The following ST7 variants were observed in gnomAD, a reference collection of about 807,000 sequenced individuals.
ST7 encodes the protein suppressor of tumorigenicity 7 protein.
A neutral mutation model predicts 78.7 loss-of-function variants in ST7; 28 were observed. The observed-to-expected ratio is 0.36, with a 90% confidence interval of 0.26 to 0.49. ST7 has a LOEUF of 0.49. Ranked by LOEUF, ST7 falls within the 20% of genes least tolerant of loss-of-function variation. The probability of loss-of-function intolerance (pLI) is 0.99; values close to 1 mark genes in which losing one functional copy is unlikely to be tolerated. For synonymous variants in ST7, 247 were observed against 249.6 expected, an observed-to-expected ratio of 0.99 and a Z score of 0.10; for missense variants, 418 against 696.0, an observed-to-expected ratio of 0.60 and a Z score of 4.49.
chr7:116,967,815 T>G (rs1241474792), intron 1 of ST7, among the ~76,000 whole-genome samples: 1 of 152,250 alleles, frequency 6.6e-6, no homozygotes, highest in Non-Finnish European at 1.5e-5. Flanking sequence ...GACTTTGTTT[T>G]GTACTTCTTG....
intron 15 of ST7, among the ~76,000 whole-genome samples, chr7:117,222,293 A>T (rs1361176794): frequency 1.3e-5 from 2 of 152,356 alleles, no homozygotes; most frequent in Non-Finnish European, 2.9e-5. Flanking sequence ...AATTCTTAGC[A>T]GTTTCCAAAA....
chr7:117,039,154 C>T (rs374788842), intron 1 of ST7, among the ~76,000 whole-genome samples: 2 of 151,990 alleles, frequency 1.3e-5, no homozygotes, highest in South Asian at 2.1e-4. Context: ...AATCTTTGCA[C>T]GTAACCATGC....
chr7:117,150,095 C>T (rs1298472547), intron 9 of ST7, among the ~76,000 whole-genome samples: 2 of 152,122 alleles, frequency 1.3e-5, no homozygotes, highest in African/African-American at 2.4e-5. Context: ...TTGTTAGCAC[C>T]AGGCCTCGCT....
At chr7:117,138,923 G>A (rs1455861477) in intron 9 of ST7, among the ~76,000 whole-genome samples, 3 of 152,244 alleles carry the variant, frequency 2.0e-5, no homozygotes, top group African/African-American at 7.2e-5. Context: ...AGCCATGTTA[G>A]CAAACTGATT....
chr7:117,015,112 C>A, intron 1 of ST7: 2 of 593,128 alleles, frequency 3.4e-6, no homozygotes, highest in African/African-American at 1.9e-5. Context: ...TGTGTGAGTA[C>A]TTTAAAAATA....
In ST7 at chr7:117,219,289, A is replaced by G; in HGVS notation, c.1498+113A>G. 1 of 866,014 alleles carries G rather than the reference A, an allele frequency of 1.2e-6. No homozygotes were observed. Among genetic ancestry groups the G allele is most frequent in the Non-Finnish European group, 1.8e-6 (1 of 550,646 alleles). 53.6% of individuals were successfully genotyped at this position (866,014 alleles called of 1,614,324 possible). On this transcript the variant is annotated intron_variant, in intron 14 of 15. Coordinates refer to ENST00000323984, the MANE Select transcript of ST7 (RefSeq NM_001369598.1). The surrounding 1 kb of genome is among the most constrained non-coding windows in gnomAD (Gnocchi z 5.1). ...CTTGTCTTTTATTACTTTTCTCCAAACCCCTGTCCTTGTTTGATAGCATAT... is the reference window on the plus strand; with the variant it reads ...CTTGTCTTTTATTACTTTTCTCCAAGCCCCTGTCCTTGTTTGATAGCATAT...
At chr7:117,053,042 A>C (rs1025319022) in intron 1 of ST7, among the ~76,000 whole-genome samples, 2 of 152,222 alleles carry the variant, frequency 1.3e-5, no homozygotes, top group Admixed American at 6.5e-5. Flanking sequence ...CAACATTTTA[A>C]ATGGCTATAT....
chr7:117,097,002 A>G (rs1801093196), intron 1 of ST7, among the ~76,000 whole-genome samples: 1 of 152,190 alleles, frequency 6.6e-6, no homozygotes, highest in Non-Finnish European at 1.5e-5. Flanking sequence ...AATCTTAAAA[A>G]CAAATGAATG....
intron 2 of ST7, among the ~76,000 whole-genome samples, chr7:117,104,319 A>G (rs1441541222): frequency 6.6e-6 from 1 of 152,200 alleles, no homozygotes; most frequent in African/African-American, 2.4e-5. Flanking sequence ...ACACACCTGT[A>G]GTCCCAGCTG....
chr7:117,088,955 G>A (rs181480437), intron 1 of ST7, among the ~76,000 whole-genome samples: 12 of 152,300 alleles, frequency 7.9e-5, no homozygotes, highest in African/African-American at 1.2e-4. Context: ...AGGCCAGTGC[G>A]TATAGTACAT....
chr7:117,187,238 A>T (rs947512723), intron 10 of ST7, among the ~76,000 whole-genome samples: 4 of 152,228 alleles, frequency 2.6e-5, no homozygotes, highest in Non-Finnish European at 5.9e-5. Flanking sequence ...ATCAGTGAGA[A>T]CAAAATAACT....
rs1792934713 is a variant in ST7 at position 117,219,562 on chromosome 7, G to T, written c.1498+386G>T. ...GACCGGAGTTTGAAGAGGAGCTGCT[G>T]ACTGAGAGGGAGCTGCGCATGAGTC... is the stretch of plus-strand genomic sequence containing the variant. On this transcript the variant is annotated intron_variant, in intron 14 of 15. Coordinates refer to ENST00000323984, the MANE Select transcript of ST7 (RefSeq NM_001369598.1). The surrounding 1 kb of genome is among the most constrained non-coding windows in gnomAD (Gnocchi z 5.1). 6.6e-6 allele frequency among the ~76,000 whole-genome samples: 1 copy of T among 152,224 alleles called. No individual in the cohort carries two copies. The highest frequency in any genetic ancestry group is 6.5e-5 in the Admixed American group (1 of 15,290).
intron 3 of ST7, among the ~76,000 whole-genome samples, chr7:117,125,300 C>T (rs968938268): frequency 1.3e-5 from 2 of 152,012 alleles, no homozygotes; most frequent in African/African-American, 2.4e-5. Flanking sequence ...ATGAGAAGTG[C>T]ATGACAGATG....
intron 9 of ST7, among the ~76,000 whole-genome samples, chr7:117,154,716 G>T (rs1025658704): frequency 2.0e-5 from 3 of 152,314 alleles, no homozygotes; most frequent in Middle Eastern, 3.4e-3. Context: ...ATATACTTTA[G>T]TTGTTCCTCT....
chr7:117,128,666 A>G (rs1046279790), intron 3 of ST7, among the ~76,000 whole-genome samples: 1 of 151,842 alleles, frequency 6.6e-6, no homozygotes, highest in African/African-American at 2.4e-5. Flanking sequence ...ACATGTTCCC[A>G]GAGTGCTTTG....
chr7:117,193,060 C>T (rs183644509), intron 12 of ST7, among the ~76,000 whole-genome samples: 13 of 152,108 alleles, frequency 8.5e-5, no homozygotes, highest in Admixed American at 5.9e-4. Flanking sequence ...GGAACGGGTC[C>T]TGGGATTCAC....
chr7:117,019,147 C>T (rs149128503), intron 1 of ST7, among the ~76,000 whole-genome samples: 90 of 152,164 alleles, frequency 5.9e-4, no homozygotes, highest in African/African-American at 2.1e-3. Flanking sequence ...AGGCATATAC[C>T]TTGGATGAAT....
intron 1 of ST7, among the ~76,000 whole-genome samples, chr7:117,008,192 A>G (rs1248110033): frequency 1.3e-5 from 2 of 152,218 alleles, no homozygotes; most frequent in Non-Finnish European, 2.9e-5. Context: ...GTAACTCATT[A>G]CAGAATTGTT....
intron 1 of ST7, among the ~76,000 whole-genome samples, chr7:117,060,536 A>G (rs1007049793): frequency 6.6e-6 from 1 of 152,256 alleles, no homozygotes; most frequent in African/African-American, 2.4e-5. Flanking sequence ...TAAATAGAAT[A>G]GAACCCACAG....
Sources: gnomAD v4.1 joint callset for allele counts (sites outside exome capture counted in the v4.1 genomes callset) on GRCh38, gnomAD v4.1.1 for gene constraint, Gnocchi (gnomAD v3.1) non-coding constraint, MANE v1.5 for transcripts, NCBI Gene and HGNC (gene_info 2026-07-23, HGNC 2026-07-21) for gene names.